CROT: variants seen among roughly 807,000 people sequenced by gnomAD.
CROT encodes the protein peroxisomal carnitine O-octanoyltransferase.
A neutral mutation model predicts 89.2 loss-of-function variants in CROT; 84 were observed. The ratio of observed to expected loss-of-function variants is 0.94; its 90% CI spans 0.79 to 1.13. The LOEUF is 1.13. CROT is among the 50% of genes most tolerant of loss of function. The pLI is 0.00. For synonymous variants in CROT, 212 were observed against 239.5 expected (o/e 0.89, Z 1.06); for missense variants, 711 against 727.8 (o/e 0.98, Z 0.27).
chr7:87,384,815 A>G (rs1183066725), intron 13 of CROT, among the ~76,000 whole-genome samples: 3 of 152,162 alleles, frequency 2.0e-5, no homozygotes, highest in South Asian at 4.1e-4. Flanking sequence ...AGCATCCTCA[A>G]TGTTTTCTTT....
chr7:87,369,229 A>G, intron 6 of CROT, 147 bp from the exon 7 acceptor site: 1 of 505,338 alleles, frequency 2.0e-6, no homozygotes. Context: ...TTCCATTAAT[A>G]CATTATTTTT....
intron 13 of CROT, among the ~76,000 whole-genome samples, chr7:87,388,430 A>G (rs970343911): frequency 2.6e-5 from 4 of 152,196 alleles, no homozygotes; most frequent in African/African-American, 4.8e-5. Flanking sequence ...ACACAGATAT[A>G]TAGACCAATG....
intron 13 of CROT, among the ~76,000 whole-genome samples, chr7:87,389,542 A>G (rs1392895978): frequency 6.6e-6 from 1 of 151,134 alleles, no homozygotes; most frequent in African/African-American, 2.4e-5. Context: ...CAAACACCAC[A>G]TGTTCTCACT....
intron 3 of CROT, among the ~76,000 whole-genome samples, chr7:87,350,363 C>G (rs558354920): frequency 6.6e-6 from 1 of 152,210 alleles, no homozygotes; most frequent in Non-Finnish European, 1.5e-5. Flanking sequence ...GGAAGTTTCT[C>G]CTGTCAGAAG....
At chr7:87,389,099 C>T (rs1233254992) in intron 13 of CROT, among the ~76,000 whole-genome samples, 3 of 152,064 alleles carry the variant, frequency 2.0e-5, no homozygotes, top group Admixed American at 6.5e-5. Flanking sequence ...GTTAGAATGG[C>T]GATCATTAAA....
In CROT at chr7:87,352,753, C is replaced by A. The variant is rs112285119; in HGVS notation, c.115+3570C>A. Among the ~76,000 whole-genome samples, 1,120 of 152,296 alleles carry A rather than the reference C, an allele frequency of 7.4e-3. 12 individuals are homozygous for A. Among genetic ancestry groups the A allele is most frequent in the African/African-American group, 0.025 (1,051 of 41,558 alleles). ...GAATTAATGTTTTAAACAAAAATGT[C>A]ATAAGCCCTACCTAGTTATGAGAAT... On this transcript the variant is annotated intron_variant, in intron 3 of 17. Transcript: ENST00000331536.
At chr7:87,357,548 G>T in intron 3 of CROT, 2 of 1,471,806 alleles carry the variant, frequency 1.4e-6, no homozygotes, top group South Asian at 2.4e-5. Context: ...TGATCCAGAT[G>T]CTAAGAGAGG....
At chr7:87,347,494 C>T (rs181570740) in intron 2 of CROT, among the ~76,000 whole-genome samples, 1 of 152,302 alleles carries the variant, frequency 6.6e-6, no homozygotes, top group East Asian at 1.9e-4. Context: ...GGATCCAGAT[C>T]TACATTTCCA....
chr7:87,353,412 A>G (rs952418801), intron 3 of CROT, among the ~76,000 whole-genome samples: 7 of 152,200 alleles, frequency 4.6e-5, no homozygotes, highest in Middle Eastern at 3.4e-3. Context: ...AGTTCCCAAC[A>G]TGCTGGGATT....
In CROT at chr7:87,371,073, TTGAA is replaced by T. The variant is rs1219461562; in HGVS notation, c.656+1594_656+1597del. Among the ~76,000 whole-genome samples, 5 of 152,242 alleles carry T rather than the reference TTGAA, an allele frequency of 3.3e-5. No individual in the cohort carries two copies. In the South Asian group the frequency reaches 6.2e-4, roughly 19 times the overall value. ...CTTCCTGATGAACAGAAGTTCTTAA[TTGAA>T]TGAACTCCAGTTTATTAATCTTTTA... On this transcript the variant is annotated intron_variant, in intron 7 of 17. Coordinates refer to ENST00000331536, the MANE Select transcript of CROT (RefSeq NM_021151.4).
At chr7:87,383,853 T>C (rs1807103900) in intron 13 of CROT, among the ~76,000 whole-genome samples, 1 of 152,188 alleles carries the variant, frequency 6.6e-6, no homozygotes, top group Non-Finnish European at 1.5e-5. Flanking sequence ...ATATCTTGAC[T>C]ATTGTGAATA....
At chr7:87,357,398 T>C (rs533694675) in intron 3 of CROT, 19 of 1,422,678 alleles carry the variant, frequency 1.3e-5, no homozygotes, top group East Asian at 2.5e-5. Context: ...CTAGAAATAT[T>C]ATCCTTGATA....
chr7:87,354,229 T>C (rs1805981534), intron 3 of CROT, among the ~76,000 whole-genome samples: 1 of 152,196 alleles, frequency 6.6e-6, no homozygotes, highest in South Asian at 2.1e-4. Flanking sequence ...AATCTTAGTT[T>C]TGGCAACCAA....
intron 3 of CROT, chr7:87,357,512 A>G (rs1806120292): frequency 1.9e-6 from 3 of 1,549,852 alleles, no homozygotes; most frequent in East Asian, 2.4e-5. Flanking sequence ...TGTAGTCACC[A>G]GAACATGCTA....
intron 17 of CROT, among the ~76,000 whole-genome samples, chr7:87,395,059 A>T (rs1158552550): frequency 6.6e-6 from 1 of 152,154 alleles, no homozygotes; most frequent in Non-Finnish European, 1.5e-5. Flanking sequence ...CTCTACAGGG[A>T]CAGAACTAAT....
intron 6 of CROT, among the ~76,000 whole-genome samples, chr7:87,366,740 G>A (rs1806461579): frequency 6.6e-6 from 1 of 152,118 alleles, no homozygotes. Context: ...CCTCTCCCCA[G>A]TACTGATGTG....
chr7:87,349,018 A>G, intron 2 of CROT, 30 bp from the exon 3 acceptor site: 1 of 945,944 alleles, frequency 1.1e-6, no homozygotes, highest in Non-Finnish European at 1.7e-6. Context: ...ATGAGATTGA[A>G]GTTGTGAGGG....
intron 6 of CROT, among the ~76,000 whole-genome samples, chr7:87,363,855 T>G (rs575858598): frequency 1.3e-5 from 2 of 152,356 alleles, no homozygotes; most frequent in East Asian, 3.9e-4. Flanking sequence ...ACTAGGATTA[T>G]GGCATTGGAG....
chr7:87,358,979 C>T (rs1806188788), intron 3 of CROT, among the ~76,000 whole-genome samples: 1 of 152,112 alleles, frequency 6.6e-6, no homozygotes, highest in East Asian at 1.9e-4. Flanking sequence ...TCCCTGGCTC[C>T]CTCCCGACTT....
Sources: gnomAD v4.1 joint callset for allele counts (sites outside exome capture counted in the v4.1 genomes callset) on GRCh38, gnomAD v4.1.1 for gene constraint, MANE v1.5 for transcripts, NCBI Gene and HGNC (gene_info 2026-07-23, HGNC 2026-07-21) for gene names.